Variants in BAIAP2L1 observed in about 807,000 individuals in gnomAD.
The protein encoded by BAIAP2L1 is BAR/IMD domain containing adaptor protein 2 like 1, also known as BAR/IMD domain-containing adapter protein 2-like 1.
A neutral mutation model predicts 66.3 loss-of-function variants in BAIAP2L1; 35 were observed. That is an observed-to-expected ratio of 0.53 (90% CI 0.40 to 0.70). BAIAP2L1 has a LOEUF of 0.70. Among genes scored for constraint, BAIAP2L1 ranks in the 30% least tolerant of loss-of-function variants. BAIAP2L1 has a pLI of 0.00. For synonymous variants in BAIAP2L1, 269 were observed against 248.7 expected (o/e 1.08, Z -0.77); for missense variants, 622 against 656.9 (o/e 0.95, Z 0.58).
At chr7:98,353,328 T>C (rs1802039955) in intron 3 of BAIAP2L1, among the ~76,000 whole-genome samples, 3 of 133,684 alleles carry the variant, frequency 2.2e-5, no homozygotes, top group South Asian at 4.3e-4. Flanking sequence ...CTAAAATATA[T>C]ATAAATATAT....
chr7:98,386,413 C>A (rs1465969129), intron 1 of BAIAP2L1: 2 of 1,593,354 alleles, frequency 1.3e-6, no homozygotes, highest in Non-Finnish European at 8.5e-7. Flanking sequence ...CCATCAGATG[C>A]AATTTTGGTT....
chr7:98,351,307 C>A lies in BAIAP2L1; in HGVS notation c.214+3735G>T, dbSNP rs375838136. 2.2e-4 allele frequency among the ~76,000 whole-genome samples: 34 copies of A among 152,198 alleles called. 1 individual carries two copies. Among genetic ancestry groups the A allele is most frequent in the East Asian group, 7.7e-4 (4 of 5,198 alleles). ...CCGCTAACATTTCTATCAGTCCTGC[C>A]CTTTCACTGAAAGTTGTTGAAAACA... On this transcript the variant is annotated intron_variant, in intron 3 of 13. Transcript: ENST00000005260.
At chr7:98,382,373 C>T (rs1802779557) in intron 1 of BAIAP2L1, among the ~76,000 whole-genome samples, 2 of 152,084 alleles carry the variant, frequency 1.3e-5, no homozygotes, top group Admixed American at 1.3e-4. Context: ...CAGCCAGGTA[C>T]AGTGGCTCAC....
At chr7:98,332,219 C>A (rs954983076) in intron 3 of BAIAP2L1, among the ~76,000 whole-genome samples, 1 of 150,576 alleles carries the variant, frequency 6.6e-6, no homozygotes, top group African/African-American at 2.4e-5. Context: ...TCTGTCTCTA[C>A]CAAAAATATA....
At chr7:98,295,233 G>A (rs182726826) in intron 12 of BAIAP2L1, among the ~76,000 whole-genome samples, 79 of 152,330 alleles carry the variant, frequency 5.2e-4, no homozygotes, top group Non-Finnish European at 1.0e-3. Flanking sequence ...CATGTTGGGT[G>A]TACAGGCTGT....
intron 1 of BAIAP2L1, chr7:98,386,441 G>A (rs563054589): frequency 9.4e-6 from 15 of 1,596,106 alleles, no homozygotes; most frequent in Admixed American, 1.7e-5. Context: ...TCCTGGTGAC[G>A]AGCGTCTTTC....
At chr7:98,377,976 A>G (rs1216162092) in intron 1 of BAIAP2L1, among the ~76,000 whole-genome samples, 1 of 151,948 alleles carries the variant, frequency 6.6e-6, no homozygotes, top group African/African-American at 2.4e-5. Context: ...CTAAAAAAAA[A>G]AAATACAAAA....
At chr7:98,365,163 AT>A (rs375164193) in intron 1 of BAIAP2L1, among the ~76,000 whole-genome samples, 3 of 151,030 alleles carry the variant, frequency 2.0e-5, no homozygotes, top group Non-Finnish European at 4.4e-5. Flanking sequence ...CTGTCCCAGC[AT>A]TTTTTTTGTT....
At chr7:98,312,329 A>G in intron 7 of BAIAP2L1, 65 bp from the exon 8 acceptor site, 1 of 1,489,096 alleles carries the variant, frequency 6.7e-7, no homozygotes, top group Non-Finnish European at 9.0e-7. Flanking sequence ...GAAAAATGAC[A>G]TCACGTCATA....
Position 98,362,430 on chromosome 7 carries a change from A to T in BAIAP2L1, c.54T>A (p.Asn18Lys), listed in dbSNP as rs1272863986. The change falls in exon 2 of 14, where the codon AAT (asparagine) becomes AAA (lysine). Residue 18 changes from asparagine to lysine, a missense_variant and splice_region_variant. Physicochemically the swap from Asn to Lys is moderately conservative, Grantham distance 94. Coordinates refer to ENST00000005260, the MANE Select transcript of BAIAP2L1 (RefSeq NM_018842.5). Reference protein sequence around the residue: ...VNRLTESTYRNVMEQFNPGLR... With the variant: ...VNRLTESTYRKVMEQFNPGLR... ...GCCCAGGATTGAACTGTTCCATAAC[A>T]TTCTGCCAAACAAACAAAACACACA... 1 of 1,594,310 alleles carries T rather than the reference A, an allele frequency of 6.3e-7. No individual in the cohort carries two copies. Among genetic ancestry groups the T allele is most frequent in the Non-Finnish European group, 8.5e-7 (1 of 1,174,700 alleles).
At chr7:98,306,389 C>T in intron 11 of BAIAP2L1, 50 bp downstream of exon 11, 1 of 1,604,100 alleles carries the variant, frequency 6.2e-7, no homozygotes, top group Non-Finnish European at 8.5e-7. Flanking sequence ...ACAGAAACGA[C>T]AAGGCAGGGG....
intron 9 of BAIAP2L1, 109 bp downstream of exon 9, chr7:98,310,336 T>C (rs916497627): frequency 9.5e-6 from 12 of 1,264,188 alleles, no homozygotes; most frequent in African/African-American, 1.6e-5. Flanking sequence ...CCATACCTGC[T>C]TGTTTACCTC....
intron 1 of BAIAP2L1, among the ~76,000 whole-genome samples, chr7:98,368,686 T>A (rs1376549736): frequency 6.6e-6 from 1 of 152,082 alleles, no homozygotes; most frequent in East Asian, 1.9e-4. Flanking sequence ...CAAGACTCTG[T>A]CTCAAAAAAA....
At chr7:98,298,099 T>C (rs910503051) in intron 12 of BAIAP2L1, among the ~76,000 whole-genome samples, 1 of 152,128 alleles carries the variant, frequency 6.6e-6, no homozygotes, top group African/African-American at 2.4e-5. Context: ...TCACGTGACC[T>C]GTGGCAAACC....
At chr7:98,339,159 G>A (rs948544156) in intron 3 of BAIAP2L1, among the ~76,000 whole-genome samples, 4 of 151,906 alleles carry the variant, frequency 2.6e-5, no homozygotes, top group Non-Finnish European at 2.9e-5. Flanking sequence ...TTGGTCATAC[G>A]GTAATTCTAT....
chr7:98,368,522 C>T (rs577469956), intron 1 of BAIAP2L1, among the ~76,000 whole-genome samples: 1 of 152,206 alleles, frequency 6.6e-6, no homozygotes, highest in Non-Finnish European at 1.5e-5. Context: ...GAAACCCCGC[C>T]TCTACTAAAA....
chr7:98,343,248 T>TACACACACACACAC (rs57033582), intron 3 of BAIAP2L1, among the ~76,000 whole-genome samples: 12 of 128,590 alleles, frequency 9.3e-5, no homozygotes, highest in South Asian at 5.1e-4. Context: ...AAAAAAAAAA[T>TACACACACACACAC]ACACACACAC....
intron 3 of BAIAP2L1, among the ~76,000 whole-genome samples, chr7:98,349,939 C>T (rs1490425239): frequency 2.0e-5 from 3 of 151,988 alleles, no homozygotes; most frequent in African/African-American, 7.3e-5. Context: ...TGCCTGTAAT[C>T]CCAGCTACTC....
At chr7:98,362,131 T>C (rs6952026) in intron 2 of BAIAP2L1, among the ~76,000 whole-genome samples, 3,697 of 152,284 alleles carry the variant, frequency 0.024, 151 homozygotes, top group African/African-American at 0.085. Context: ...CACGGTTTTA[T>C]AGTTAAAAGA....
Sources: allele counts gnomAD v4.1 joint callset (sites outside exome capture counted in the v4.1 genomes callset), GRCh38; gene constraint gnomAD v4.1.1; transcripts MANE v1.5; gene names NCBI Gene and HGNC (gene_info 2026-07-23, HGNC 2026-07-21).